PDCD6IP: variants seen among roughly 807,000 people sequenced by gnomAD.
PDCD6IP encodes the protein programmed cell death 6 interacting protein, also known as programmed cell death 6-interacting protein.
In PDCD6IP, 43 loss-of-function variants were observed where a neutral mutation model predicts 103.7. That is an observed-to-expected ratio of 0.41 (90% confidence interval 0.32 to 0.53). The LOEUF (loss-of-function observed/expected upper bound fraction) is 0.53, where lower values mean the gene tolerates loss of function less well. Ranked by LOEUF, PDCD6IP falls within the 20% of genes least tolerant of loss-of-function variation. The pLI is 0.16. For missense variants in PDCD6IP, 871 were observed against 1,036.7 expected, an observed-to-expected ratio of 0.84 and a Z score of 2.20; for synonymous variants, 354 against 378.7, an observed-to-expected ratio of 0.93 and a Z score of 0.76.
In PDCD6IP at chr3:33,866,483, C is replaced by CT; in HGVS notation, c.2567dup (p.Gln858SerfsTer44). The CT allele has an allele frequency of 6.2e-7, 1 of 1,611,594 alleles. No individual in the cohort carries two copies. Among genetic ancestry groups the CT allele is most frequent in the Non-Finnish European group, 8.5e-7 (1 of 1,179,130 alleles). On this transcript the variant is annotated frameshift_variant, in exon 18 of 18. Transcript: ENST00000307296. LOFTEE classifies it high-confidence loss of function. ...CGGGACCCCAGCAGCCTTCATACCC[C>CT]TTCCCTCAGCCCCCACAGCAGTCTT... is the stretch of plus-strand genomic sequence containing the variant.
In PDCD6IP at chr3:33,866,848, G is replaced by A. The variant is rs1365945264; in HGVS notation, c.*323G>A. The A allele has an allele frequency of 4.8e-6, 1 of 209,450 alleles. No individual in the cohort carries two copies. Among genetic ancestry groups the A allele is most frequent in the Non-Finnish European group, 9.4e-6 (1 of 106,324 alleles). The allele number at this position is 209,450 out of a possible 1,614,324, so 13.0% of individuals were successfully genotyped here. A position where few individuals can be genotyped will look rare whatever the true frequency, so the allele number is the denominator to read the frequency against. ...TACTTTCTACATAAGACATGGTTGG[G>A]ACATCAGATACTTACAAAGATGGTT... On this transcript the variant is annotated 3_prime_UTR_variant, in exon 18 of 18. Coordinates refer to ENST00000307296, the MANE Select transcript of PDCD6IP (RefSeq NM_013374.6).
At chr3:33,856,540 T>C (rs9816786) in intron 15 of PDCD6IP, among the ~76,000 whole-genome samples, 56,830 of 151,926 alleles carry the variant, frequency 0.37, 12,015 homozygotes, top group African/African-American at 0.57. Flanking sequence ...AAAAACCAGA[T>C]AGAACAGTTA....
At chr3:33,851,966 A>G (rs1697724060) in intron 12 of PDCD6IP, among the ~76,000 whole-genome samples, 1 of 152,162 alleles carries the variant, frequency 6.6e-6, no homozygotes, top group African/African-American at 2.4e-5. Context: ...GCAAAATAGG[A>G]TATCTACTTA....
Position 33,869,557 on chromosome 3 carries a change from A to G in PDCD6IP, c.*3032A>G, listed in dbSNP as rs1166066991. 1 of 152,226 alleles carries G rather than the reference A, an allele frequency of 6.6e-6. No homozygotes were observed. The highest frequency in any genetic ancestry group is 1.5e-5 in the Non-Finnish European group (1 of 68,042). The allele number at this position is 152,226 out of a possible 1,614,324, so 9.4% of individuals were successfully genotyped here. On this transcript the variant is annotated 3_prime_UTR_variant, in exon 18 of 18. Transcript: ENST00000307296. ...TAAAAAAATCCTATATTATCACACC[A>G]GAGATTTTAGATTCTTTTCTGGTTA...
intron 14 of PDCD6IP, chr3:33,854,802 G>A (rs1261069755): frequency 6.4e-6 from 1 of 155,366 alleles, no homozygotes; most frequent in Non-Finnish European, 1.4e-5. Flanking sequence ...GGTTTCTGAA[G>A]TATGCTTGCA....
chr3:33,824,194 C>T (rs567255515), intron 4 of PDCD6IP, among the ~76,000 whole-genome samples: 1 of 151,896 alleles, frequency 6.6e-6, no homozygotes, highest in South Asian at 2.1e-4. Flanking sequence ...ACATGCTGTT[C>T]ATTTTAATAC....
intron 7 of PDCD6IP, among the ~76,000 whole-genome samples, chr3:33,829,635 G>C (rs1281796745): frequency 6.6e-6 from 1 of 152,130 alleles, no homozygotes; most frequent in Non-Finnish European, 1.5e-5. Context: ...AGAGCTGTTT[G>C]TATGAGTTGT....
chr3:33,840,308 A>G (rs959101890), intron 9 of PDCD6IP, among the ~76,000 whole-genome samples: 2 of 152,194 alleles, frequency 1.3e-5, no homozygotes, highest in African/African-American at 4.8e-5. Flanking sequence ...ATCCTTGTCT[A>G]TTTCAAGTTT....
chr3:33,818,753 G>C (rs1311263490), intron 3 of PDCD6IP, among the ~76,000 whole-genome samples: 1 of 151,922 alleles, frequency 6.6e-6, no homozygotes, highest in Non-Finnish European at 1.5e-5. Flanking sequence ...TCTTGACCTC[G>C]TGATCTGTCC....
At chr3:33,830,693 T>C (rs1288510441) in intron 7 of PDCD6IP, among the ~76,000 whole-genome samples, 1 of 152,064 alleles carries the variant, frequency 6.6e-6, no homozygotes, top group Non-Finnish European at 1.5e-5. Flanking sequence ...CTGGACAATA[T>C]AGTGACACCC....
At chr3:33,817,931 A>T (rs1009533907) in intron 3 of PDCD6IP, among the ~76,000 whole-genome samples, 1 of 152,062 alleles carries the variant, frequency 6.6e-6, no homozygotes. Flanking sequence ...AATAGCTCTT[A>T]TATGTAAAAT....
intron 7 of PDCD6IP, among the ~76,000 whole-genome samples, chr3:33,830,903 G>A (rs1284464822): frequency 3.3e-5 from 5 of 152,206 alleles, no homozygotes; most frequent in South Asian, 4.1e-4. Context: ...TGATTCTGAC[G>A]GAGATCTTAG....
At position 33,798,761 on chromosome 3, in the gene PDCD6IP, G is replaced by A; in HGVS notation, c.33G>A (p.Lys11=). ...CATTCATCTCGGTGCAGCTGAAAAAGACCTCAGAGGTGGACCTGGCCAAGC... is the reference window on the plus strand; with the variant it reads ...CATTCATCTCGGTGCAGCTGAAAAAAACCTCAGAGGTGGACCTGGCCAAGC... MATFISVQLK[K]TSEVDLAKPL... is the part of the protein sequence containing the mutation. Residue 11 remains lysine, a synonymous_variant, in exon 1 of 18, where the codon AAG becomes AAA. Transcript: ENST00000307296. 6.4e-7 allele frequency: 1 copy of A among 1,573,532 alleles called. No homozygotes were observed.
chr3:33,841,839 T>G, intron 9 of PDCD6IP, 58 bp from the exon 10 acceptor site: 2 of 1,098,666 alleles, frequency 1.8e-6, no homozygotes, highest in Admixed American at 4.2e-5. Context: ...AAAGTAAGTA[T>G]TGATGAGGAG....
rs2125556791 is a variant in PDCD6IP at position 33,826,077 on chromosome 3, C to T, written c.617-403C>T. 2.0e-5 allele frequency among the ~76,000 whole-genome samples: 3 copies of T among 152,164 alleles called. No individual in the cohort carries two copies. The Middle Eastern group carries it at 0.01, about 518-fold the overall frequency. On this transcript the variant is annotated intron_variant, in intron 5 of 17. Coordinates refer to ENST00000307296, the MANE Select transcript of PDCD6IP (RefSeq NM_013374.6). ...CTGAAACTGAAAATAAGAGATAAGTCATCATGTGGAAGAAATAGGAATTGG... is the reference window on the plus strand; with the variant it reads ...CTGAAACTGAAAATAAGAGATAAGTTATCATGTGGAAGAAATAGGAATTGG...
At chr3:33,840,119 C>G (rs1236439258) in intron 9 of PDCD6IP, among the ~76,000 whole-genome samples, 1 of 149,348 alleles carries the variant, frequency 6.7e-6, no homozygotes, top group Non-Finnish European at 1.5e-5. Context: ...CTACTAATAG[C>G]CTGCTGTTGA....
At chr3:33,862,476 C>G (rs930976943) in intron 15 of PDCD6IP, among the ~76,000 whole-genome samples, 1 of 151,830 alleles carries the variant, frequency 6.6e-6, no homozygotes, top group Non-Finnish European at 1.5e-5. Context: ...GTGCATTTTA[C>G]CTTAGGTATT....
rs374190893 is a variant in PDCD6IP, at chr3:33,866,493, C to T, written c.2575C>T (p.Pro859Ser). Reference protein sequence around the residue: ...PQQPSYPFPQPPQQSYYPQQ With the variant: ...PQQPSYPFPQSPQQSYYPQQ ...GCAGCCTTCATACCCCTTCCCTCAGCCCCCACAGCAGTCTTACTATCCACA... is the reference window on the plus strand; with the variant it reads ...GCAGCCTTCATACCCCTTCCCTCAGTCCCCACAGCAGTCTTACTATCCACA... The change falls in exon 18 of 18, where the codon CCC (proline) becomes TCC (serine). Residue 859 changes from proline to serine, a missense_variant. Pro to Ser is a moderately conservative substitution (Grantham distance 74, BLOSUM62 -1). Transcript: ENST00000307296. The T allele has an allele frequency of 6.2e-7, 1 of 1,610,634 alleles. No individual in the cohort carries two copies. Among genetic ancestry groups the T allele is most frequent in the Non-Finnish European group, 8.5e-7 (1 of 1,178,864 alleles).
chr3:33,810,018 C>A (rs751790469), intron 1 of PDCD6IP, among the ~76,000 whole-genome samples: 1 of 152,280 alleles, frequency 6.6e-6, no homozygotes, highest in Admixed American at 6.5e-5. Context: ...TGCCAGGTTT[C>A]TTGACCTTAC....
Sources: allele counts gnomAD v4.1 joint callset (sites outside exome capture counted in the v4.1 genomes callset), GRCh38; gene constraint gnomAD v4.1.1; transcripts MANE v1.5; gene names NCBI Gene and HGNC (gene_info 2026-07-23, HGNC 2026-07-21).